ZNF516: variants seen among roughly 807,000 people sequenced by gnomAD.
The protein encoded by ZNF516 is zinc finger protein 516.
A neutral mutation model predicts 79.7 loss-of-function variants in ZNF516; 19 were observed. The observed-to-expected ratio is 0.24, with a 90% CI of 0.17 to 0.35. ZNF516 has a LOEUF of 0.35. Among genes scored for constraint, ZNF516 ranks in the 10% least tolerant of loss-of-function variants. The probability of loss-of-function intolerance (pLI) is 1.00; values close to 1 mark genes in which losing one functional copy is unlikely to be tolerated. For missense variants in ZNF516, 1,678 were observed against 1,679.5 expected (o/e 1.00, Z 0.02); for synonymous variants, 877 against 739.5 (o/e 1.19, Z -3.02).
Position 76,379,226 on chromosome 18 carries a change from G to T in ZNF516, c.2888C>A (p.Ala963Asp). ...FGVPPAGAGFAPTNKHSAPDS... is the reference protein window; with the variant it reads ...FGVPPAGAGFDPTNKHSAPDS... ...CGGGGCACTGTGCTTATTTGTGGGG[G>T]CAAAGCCAGCCCCCGCTGGGGGGAC... The change falls in exon 4 of 7, where the codon GCC becomes GAC. Residue 963 changes from alanine to aspartate, a missense_variant. Ala to Asp is a moderately radical substitution (Grantham distance 126). Transcript: ENST00000443185. 1 of 1,612,810 alleles carries T rather than the reference G, an allele frequency of 6.2e-7. No homozygotes were observed. Among genetic ancestry groups the T allele is most frequent in the Non-Finnish European group, 8.5e-7 (1 of 1,179,746 alleles).
In ZNF516 at chr18:76,434,999, T is replaced by C. The variant is rs562726685; in HGVS notation, c.1810+6246A>G. On this transcript the variant is annotated intron_variant, in intron 3 of 6. Coordinates refer to ENST00000443185, the MANE Select transcript of ZNF516 (RefSeq NM_014643.4). ...CACCAATGATGCCGTGTTTGAGCAA[T>C]GCACACACCATTCGGCATGGGGCAA... Among the ~76,000 whole-genome samples, 10 of 152,364 alleles carry C rather than the reference T, an allele frequency of 6.6e-5. No individual in the cohort carries two copies. In the East Asian group the frequency reaches 1.9e-3, roughly 29 times the overall value.
At chr18:76,454,664 T>C (rs1912612766) in intron 2 of ZNF516, among the ~76,000 whole-genome samples, 1 of 152,194 alleles carries the variant, frequency 6.6e-6, no homozygotes, top group Admixed American at 6.5e-5. Context: ...TTCCATAGGA[T>C]TTACCCTGCA....
chr18:76,447,817 A>G (rs1912149065), intron 2 of ZNF516, among the ~76,000 whole-genome samples: 1 of 152,228 alleles, frequency 6.6e-6, no homozygotes, highest in Non-Finnish European at 1.5e-5. Flanking sequence ...TTAATTGTTT[A>G]GGCATAAATA....
intron 2 of ZNF516, among the ~76,000 whole-genome samples, chr18:76,456,403 G>A (rs1912726986): frequency 6.6e-6 from 1 of 152,188 alleles, no homozygotes; most frequent in Admixed American, 6.5e-5. Flanking sequence ...CAATAACTAA[G>A]GAGACTGTCA....
chr18:76,367,990 C>A (rs1225169255), intron 6 of ZNF516, among the ~76,000 whole-genome samples: 1 of 152,084 alleles, frequency 6.6e-6, no homozygotes, highest in Non-Finnish European at 1.5e-5. Context: ...CAGCCATGAT[C>A]CCTAGCATCT....
intron 2 of ZNF516, among the ~76,000 whole-genome samples, chr18:76,452,184 C>T (rs1290884159): frequency 1.3e-5 from 2 of 152,202 alleles, no homozygotes; most frequent in Non-Finnish European, 2.9e-5. Context: ...AGCAGCAACG[C>T]GGCCCCCTGA....
At chr18:76,413,128 TGCCATAC>T (rs2075391617) in intron 3 of ZNF516, among the ~76,000 whole-genome samples, 1 of 152,226 alleles carries the variant, frequency 6.6e-6, no homozygotes, top group African/African-American at 2.4e-5. Context: ...CTGCTGAAAA[TGCCATAC>T]GGTTTATTCC....
In ZNF516 at chr18:76,379,188, C is replaced by T. The variant is rs1326514890; in HGVS notation, c.2926G>A (p.Ala976Thr). The change falls in exon 4 of 7, where the codon GCC becomes ACC. Residue 976 changes from alanine (A) to threonine (T), a missense_variant. By Grantham distance (58) the Ala-to-Thr change is moderately conservative. This residue lies in a region of ZNF516 where 1,294 missense variants were observed against 1,248.3 expected (regional missense o/e 1.04). Coordinates refer to ENST00000443185, the MANE Select transcript of ZNF516 (RefSeq NM_014643.4). Reference protein sequence around the residue: ...NKHSAPDSLKAKFSAQPQGPP... With the variant: ...NKHSAPDSLKTKFSAQPQGPP... Reference sequence around the variant, plus strand: ...CCCTGAGGCTGAGCACTGAATTTGGCTTTCAGGGAGTCCGGGGCACTGTGC... The same window carrying T: ...CCCTGAGGCTGAGCACTGAATTTGGTTTTCAGGGAGTCCGGGGCACTGTGC... The T allele has an allele frequency of 6.2e-7, 1 of 1,612,890 alleles. No homozygotes were observed. Among genetic ancestry groups the T allele is most frequent in the Admixed American group, 1.7e-5 (1 of 60,028 alleles).
At chr18:76,492,170 G>C (rs1915268268) in intron 1 of ZNF516, 1 of 985,384 alleles carries the variant, frequency 1.0e-6, no homozygotes, top group South Asian at 4.7e-5. Context: ...ATCCCGGTGG[G>C]TACAGAAGCG....
chr18:76,390,692 T>C (rs2075058793), intron 3 of ZNF516, among the ~76,000 whole-genome samples: 1 of 152,134 alleles, frequency 6.6e-6, no homozygotes, highest in African/African-American at 2.4e-5. Context: ...ACGTCGGTCA[T>C]TATCCTTTGG....
intron 1 of ZNF516, among the ~76,000 whole-genome samples, chr18:76,463,963 C>A (rs1468719634): frequency 6.6e-6 from 1 of 152,202 alleles, no homozygotes; most frequent in Non-Finnish European, 1.5e-5. Flanking sequence ...TCCACCGAAA[C>A]AAGATCTCCC....
rs1431678014 is a variant in ZNF516, at chr18:76,403,179, A to C, written c.1811-22876T>G. Among the ~76,000 whole-genome samples the C allele has an allele frequency of 2.0e-5, 3 of 152,358 alleles. No homozygotes were observed. In the East Asian group the frequency reaches 5.8e-4, roughly 29 times the overall value. On this transcript the variant is annotated intron_variant, in intron 3 of 6. Transcript: ENST00000443185. ...ACATAGGAATAAAACACAACTGCTT[A>C]AACTATTCAAATCCACCTGGAAGTC...
chr18:76,420,024 G>A (rs1019322771), intron 3 of ZNF516, among the ~76,000 whole-genome samples: 25 of 152,332 alleles, frequency 1.6e-4, no homozygotes, highest in Middle Eastern at 3.4e-3. Context: ...ATGAGGGAGC[G>A]ACTCCAGGTA....
chr18:76,412,865 G>A (rs898628313), intron 3 of ZNF516, among the ~76,000 whole-genome samples: 26 of 152,284 alleles, frequency 1.7e-4, no homozygotes, highest in Middle Eastern at 3.4e-3. Context: ...TCAATGTCCC[G>A]GGACACCGGG....
chr18:76,372,399 T>C (rs1234636839), intron 4 of ZNF516, among the ~76,000 whole-genome samples: 2 of 152,222 alleles, frequency 1.3e-5, no homozygotes, highest in Non-Finnish European at 2.9e-5. Context: ...AGAGTCACTG[T>C]TATGCGCAAT....
At chr18:76,476,341 C>T (rs72983932) in intron 1 of ZNF516, among the ~76,000 whole-genome samples, 10,011 of 152,266 alleles carry the variant, frequency 0.066, 414 homozygotes, top group Non-Finnish European at 0.094. Context: ...TCTTGATCCC[C>T]TTATACAAGA....
At chr18:76,412,847 T>A (rs1004559702) in intron 3 of ZNF516, among the ~76,000 whole-genome samples, 9 of 152,210 alleles carry the variant, frequency 5.9e-5, no homozygotes, top group Admixed American at 4.6e-4. Context: ...TTTCTAGTCT[T>A]TCTTCCCTCA....
chr18:76,379,657 C>G lies in ZNF516; in HGVS notation c.2457G>C (p.Pro819=). ...FLSRSGRTGP[P]PALGGKECQP... ...GGCATTCTTTGCCACCGAGGGCAGG[C>G]GGGGGGCCCGTGCGTCCGCTCCGGG... The change falls in exon 4 of 7, where the codon CCG becomes CCC. Residue 819 remains proline (P), a synonymous_variant. Coordinates refer to ENST00000443185, the MANE Select transcript of ZNF516 (RefSeq NM_014643.4). 6.2e-7 allele frequency: 1 copy of G among 1,613,560 alleles called. No individual in the cohort carries two copies. Among genetic ancestry groups the G allele is most frequent in the African/African-American group, 1.3e-5 (1 of 75,048 alleles).
chr18:76,443,690 C>T (rs1004461653), intron 2 of ZNF516, among the ~76,000 whole-genome samples: 3 of 152,196 alleles, frequency 2.0e-5, no homozygotes, highest in South Asian at 2.1e-4. Context: ...CACACAGTCA[C>T]GTGCCACTTA....
Sources: allele counts gnomAD v4.1 joint callset (sites outside exome capture counted in the v4.1 genomes callset), GRCh38; gene constraint gnomAD v4.1.1; regional missense constraint gnomAD v4.1.1; transcripts MANE v1.5; gene names NCBI Gene and HGNC (gene_info 2026-07-23, HGNC 2026-07-21).